Variants in NPM1 observed in about 807,000 individuals in gnomAD.
NPM1 encodes nucleophosmin 1.
NPM1 carries 1 observed loss-of-function variant against 44.1 expected under a neutral mutation model. That is an observed-to-expected ratio of 0.02 (90% CI 0.01 to 0.11). The LOEUF (loss-of-function observed/expected upper bound fraction) is 0.11, where lower values mean the gene tolerates loss of function less well. Among genes scored for constraint, NPM1 ranks in the 10% least tolerant of loss-of-function variants. NPM1 has a pLI of 1.00. For missense variants in NPM1, 197 were observed against 347.8 expected, an observed-to-expected ratio of 0.57 and a Z score of 3.45; for synonymous variants, 126 against 111.8, an observed-to-expected ratio of 1.13 and a Z score of -0.80.
At chr5:171,400,104 C>A in intron 6 of NPM1, 49 bp from the exon 7 acceptor site, 3 of 1,040,538 alleles carry the variant, frequency 2.9e-6, no homozygotes, top group Non-Finnish European at 4.6e-6. Flanking sequence ...ATTCTTGTGT[C>A]TACTCCCAAA....
chr5:171,406,499 C>G, intron 9 of NPM1: 1 of 1,595,170 alleles, frequency 6.3e-7, no homozygotes, highest in Non-Finnish European at 8.5e-7. Flanking sequence ...CATCAACAAT[C>G]CAGACTGAAG....
intron 6 of NPM1, among the ~76,000 whole-genome samples, chr5:171,399,563 C>G (rs956038137): frequency 6.6e-6 from 1 of 152,144 alleles, no homozygotes; most frequent in African/African-American, 2.4e-5. Flanking sequence ...ATTTTAGGAT[C>G]TGTTTCTACA....
intron 6 of NPM1, among the ~76,000 whole-genome samples, chr5:171,394,933 C>T (rs1250151081): frequency 6.6e-6 from 1 of 152,100 alleles, no homozygotes. Context: ...AATCCCAGCA[C>T]TTTGGGAGGC....
chr5:171,387,720 GA>G, upstream of NPM1: 2 of 580,538 alleles, frequency 3.4e-6, no homozygotes, highest in Non-Finnish European at 6.1e-6. Flanking sequence ...GAGTGGGGTT[GA>G]AAAGCGCTTG....
At chr5:171,387,720 GAA>G, upstream of NPM1, 1 of 580,538 alleles carries the variant, frequency 1.7e-6, no homozygotes, top group South Asian at 2.1e-5. Flanking sequence ...GAGTGGGGTT[GAA>G]AAGCGCTTGC....
intron 6 of NPM1, among the ~76,000 whole-genome samples, chr5:171,399,557 T>C (rs1771085394): frequency 6.6e-6 from 1 of 152,200 alleles, no homozygotes; most frequent in African/African-American, 2.4e-5. Flanking sequence ...TTATAAATTT[T>C]AGGATCTGTT....
intron 1 of NPM1, among the ~76,000 whole-genome samples, chr5:171,388,457 C>G (rs980449482): frequency 2.6e-5 from 4 of 152,108 alleles, no homozygotes; most frequent in African/African-American, 4.8e-5. Context: ...CACAGCCTGG[C>G]GTTATTCTGG....
At chr5:171,393,508 T>A (rs1770705356) in intron 6 of NPM1, among the ~76,000 whole-genome samples, 1 of 152,246 alleles carries the variant, frequency 6.6e-6, no homozygotes, top group Non-Finnish European at 1.5e-5. Flanking sequence ...GAAACAATAT[T>A]TGATGACTTT....
chr5:171,391,679 T>C (rs965606358), intron 3 of NPM1, 27 bp from the exon 4 acceptor site: 3 of 1,419,950 alleles, frequency 2.1e-6, no homozygotes, highest in Non-Finnish European at 2.0e-6. Flanking sequence ...TTCACATGTT[T>C]AGTGATGAAA....
rs1003292380 is a variant in NPM1 at position 171,391,341 on chromosome 5, A to G, written c.175A>G (p.Ile59Val). The part of the protein sequence containing the change: ...LGAGAKDELH[I>V]VEAEAMNYEG... ...GGCTGGTGCAAAGGATGAGTTGCAC[A>G]TTGTTGAAGCAGAGGCAATGAATTA... Residue 59 changes from isoleucine (I) to valine (V), a missense_variant, in exon 3 of 11, where the codon ATT (isoleucine) becomes GTT (valine). This residue lies in a region of NPM1 where 43 missense variants were observed against 109.6 expected (regional missense o/e 0.39). Coordinates refer to ENST00000296930, the MANE Select transcript of NPM1 (RefSeq NM_002520.7). 2 of 1,613,526 alleles carry G rather than the reference A, an allele frequency of 1.2e-6. 1 individual carries two copies.
intron 4 of NPM1, among the ~76,000 whole-genome samples, 165 bp downstream of exon 4, chr5:171,391,964 G>T (rs903143325): frequency 6.8e-6 from 1 of 147,018 alleles, no homozygotes; most frequent in Admixed American, 6.8e-5. Flanking sequence ...GGGCGGGGGG[G>T]AGAGGAAATC....
chr5:171,392,868 G>A (rs540119593), intron 5 of NPM1, 46 bp from the exon 6 acceptor site: 2 of 1,612,990 alleles, frequency 1.2e-6, no homozygotes, highest in South Asian at 2.2e-5. Flanking sequence ...TTAGTTTGGT[G>A]ATAGAACAGC....
chr5:171,399,813 C>T (rs1185382752), intron 6 of NPM1, among the ~76,000 whole-genome samples: 2 of 152,044 alleles, frequency 1.3e-5, no homozygotes, highest in Non-Finnish European at 2.9e-5. Context: ...AACTTCATTT[C>T]CCAGCCCCTA....
chr5:171,389,993 A>G (rs2113158054), intron 1 of NPM1, 58 bp from the exon 2 acceptor site: 2 of 1,064,358 alleles, frequency 1.9e-6, no homozygotes, highest in Non-Finnish European at 2.8e-6. Context: ...GGTTACCCAC[A>G]CTTAAGTTTC....
chr5:171,398,047 C>G (rs1269237330), intron 6 of NPM1, among the ~76,000 whole-genome samples: 1 of 151,562 alleles, frequency 6.6e-6, no homozygotes, highest in Non-Finnish European at 1.5e-5. Context: ...CGGCCTCCCA[C>G]AAGTGCTGGG....
chr5:171,407,084 G>A (rs573318059), intron 9 of NPM1: 1 of 152,728 alleles, frequency 6.5e-6, no homozygotes, highest in Non-Finnish European at 1.5e-5. Context: ...AATGGTGAGA[G>A]TGATTAGAGA....
chr5:171,388,133 C>G, intron 1 of NPM1, 127 bp downstream of exon 1: 2 of 858,308 alleles, frequency 2.3e-6, no homozygotes, highest in South Asian at 1.5e-5. Context: ...GAGGCCTGAG[C>G]GGGTGGGAAG....
At chr5:171,397,433 T>G (rs1310445822) in intron 6 of NPM1, among the ~76,000 whole-genome samples, 2 of 152,168 alleles carry the variant, frequency 1.3e-5, no homozygotes, top group African/African-American at 4.8e-5. Context: ...CACTCCAACC[T>G]ACTGATTTCA....
intron 1 of NPM1, 72 bp downstream of exon 1, chr5:171,388,078 G>GGGGGGT: frequency 1.6e-6 from 1 of 616,750 alleles, no homozygotes; most frequent in Non-Finnish European, 3.0e-6. Context: ...TGAGGGGCGG[G>GGGGGGT]AATCCGGCTG....
Sources: allele counts gnomAD v4.1 joint callset (sites outside exome capture counted in the v4.1 genomes callset), GRCh38; gene constraint gnomAD v4.1.1; regional missense constraint gnomAD v4.1.1; transcripts MANE v1.5; gene names NCBI Gene and HGNC (gene_info 2026-07-23, HGNC 2026-07-21).